GJE1: variants seen among roughly 807,000 people sequenced by gnomAD.
GJE1 encodes the protein gap junction protein epsilon 1, also known as gap junction epsilon-1 protein.
GJE1 carries 9 observed loss-of-function variants against 6.2 expected under a neutral mutation model. The ratio of observed to expected loss-of-function variants is 1.45; its 90% CI spans 0.87 to 2.52. The LOEUF (loss-of-function observed/expected upper bound fraction) is 2.52, where lower values mean the gene tolerates loss of function less well. Ranked by LOEUF, GJE1 falls within the 30% of genes most tolerant of loss-of-function variation. The pLI is 0.00. For synonymous variants in GJE1, 65 were observed against 30.1 expected (o/e 2.16, Z -3.80); for missense variants, 190 against 87.7 (o/e 2.17, Z -4.66).
rs184746035 is a variant in GJE1 at position 142,134,556 on chromosome 6, T to C, written c.252T>C (p.Ile84=). 3.3e-3 allele frequency: 1,915 copies of C among 572,322 alleles called. 1 individual carries two copies. The highest frequency in any genetic ancestry group is 4.7e-3 in the Non-Finnish European group (1,522 of 326,788). The allele number at this position is 572,322 out of a possible 1,614,324, so 35.5% of individuals were successfully genotyped here. Residue 84 remains isoleucine, a synonymous_variant, in exon 3 of 3, where the codon ATT becomes ATC. Coordinates refer to ENST00000450456, the Ensembl canonical transcript of GJE1. ...TGTTCTAGGCATTACAACTAGTTAT[T>C]GTCCTGGTTCCTGGAGCTCTTTTCC...
At chr6:142,134,618 G>T (rs1412952339) in exon 3 of GJE1, 2 of 678,914 alleles carry the variant, frequency 2.9e-6, no homozygotes, top group African/African-American at 3.6e-5. Flanking sequence ...AATCAAGAAT[G>T]CATTCTTCAA....
At chr6:142,135,319 G>A (rs1472812135), downstream of GJE1, among the ~76,000 whole-genome samples, 2 of 151,944 alleles carry the variant, frequency 1.3e-5, no homozygotes, top group East Asian at 1.9e-4. Context: ...CCTTTCTGTG[G>A]AACTATACAG....
Position 142,133,491 on chromosome 6 carries a change from G to A in GJE1, c.39+294G>A, listed in dbSNP as rs138633199. Among the ~76,000 whole-genome samples the A allele has an allele frequency of 3.8e-4, 58 of 152,168 alleles. No individual in the cohort carries two copies. In the East Asian group the frequency reaches 0.01, roughly 27 times the overall value. The stretch of plus-strand genomic sequence containing the variant: ...TTATTTGGTTGTTAAGATAGTGTAC[G>A]GACTGAGCTTACTACTGGATTTTTT... On this transcript the variant is annotated intron_variant, in intron 1 of 2. Transcript: ENST00000450456.
At chr6:142,132,994 C>G (rs570890988), upstream of GJE1, 1 of 436,888 alleles carries the variant, frequency 2.3e-6, no homozygotes, top group Non-Finnish European at 4.1e-6. Flanking sequence ...AATGGGGCCC[C>G]AGAGATCTAA....
upstream of GJE1, chr6:142,133,050 T>C: frequency 2.0e-6 from 1 of 509,800 alleles, no homozygotes; most frequent in Non-Finnish European, 3.5e-6. Context: ...GAGTGTTTTC[T>C]GCTGTAAGAG....
downstream of GJE1, chr6:142,135,245 G>C (rs566774463): frequency 6.3e-6 from 1 of 158,170 alleles, no homozygotes; most frequent in African/African-American, 2.4e-5. Flanking sequence ...TTACGAAGTG[G>C]AAAATTGATG....
chr6:142,134,309 C>T (rs1205371909), intron 2 of GJE1, among the ~76,000 whole-genome samples: 1 of 152,110 alleles, frequency 6.6e-6, no homozygotes, highest in Non-Finnish European at 1.5e-5. Flanking sequence ...ACTACTTCAT[C>T]ATTATCAGTC....
In GJE1 at chr6:142,133,918, C is replaced by CG. The variant is rs1562247598; in HGVS notation, c.112dup (p.Val38GlyfsTer10). The CG allele has an allele frequency of 1.4e-6, 1 of 702,350 alleles. No homozygotes were observed. Among genetic ancestry groups the CG allele is most frequent in the Admixed American group, 2.0e-5 (1 of 49,966 alleles). The allele number at this position is 702,350 out of a possible 1,614,324, so 43.5% of individuals were successfully genotyped here. On this transcript the variant is annotated frameshift_variant, in exon 2 of 3. Coordinates refer to ENST00000450456, the Ensembl canonical transcript of GJE1. LOFTEE classifies it high-confidence loss of function. ...TTGGATCGATCCGAATATTCTTCCT[C>CG]GGGGTGCTAGGCTTTGCAGTTTATG...
chr6:142,133,146 C>G (rs1778174807), exon 1 of GJE1: 1 of 668,668 alleles, frequency 1.5e-6, no homozygotes, highest in South Asian at 1.6e-5. Context: ...GCCAGGATAA[C>G]ATCTCCTGAG....
In GJE1 at chr6:142,133,131, G is replaced by T; in HGVS notation, c.-28G>T. 1.5e-6 allele frequency: 1 copy of T among 658,032 alleles called. No homozygotes were observed. The allele number at this position is 658,032 out of a possible 1,614,324, so 40.8% of individuals were successfully genotyped here. On this transcript the variant is annotated 5_prime_UTR_variant, in exon 1 of 3. It adds an upstream start codon to the 5' untranslated region. Coordinates refer to ENST00000450456, the Ensembl canonical transcript of GJE1. Reference sequence around the variant, plus strand: ...AATGTGGGTCAAGAATTAACCAACAGGAATGCCAGGATAACATCTCCTGAG... The same window carrying T: ...AATGTGGGTCAAGAATTAACCAACATGAATGCCAGGATAACATCTCCTGAG...
intron 2 of GJE1, 101 bp downstream of exon 2, chr6:142,134,145 A>G (rs1307681263): frequency 2.0e-6 from 1 of 508,024 alleles, no homozygotes; most frequent in African/African-American, 1.9e-5. Flanking sequence ...TTTGTTCCTA[A>G]GGATTATGTT....
intron 2 of GJE1, 147 bp downstream of exon 2, chr6:142,134,191 T>C (rs1778204065): frequency 4.1e-6 from 2 of 483,746 alleles, no homozygotes; most frequent in African/African-American, 2.0e-5. Flanking sequence ...TTCAGATAAA[T>C]TGAGTTTTGG....
chr6:142,133,734 T>C, intron 1 of GJE1, 116 bp from the exon 2 acceptor site: 1 of 521,900 alleles, frequency 1.9e-6, no homozygotes, highest in Non-Finnish European at 3.4e-6. Flanking sequence ...AAGGGTCTAT[T>C]TGGCTTCAAA....
chr6:142,134,762 T>G (rs1220143315), exon 3 of GJE1: 4 of 691,716 alleles, frequency 5.8e-6, no homozygotes, highest in Non-Finnish European at 1.0e-5. Context: ...GCTAGATCTC[T>G]TGGGGAAAAC....
chr6:142,133,918 C>T (rs747437784), exon 2 of GJE1: 121 of 702,350 alleles, frequency 1.7e-4, no homozygotes, highest in Admixed American at 5.4e-4. Context: ...TATTCTTCCT[C>T]GGGGTGCTAG....
chr6:142,132,949 T>G (rs904599025), upstream of GJE1: 3 of 396,674 alleles, frequency 7.6e-6, no homozygotes, highest in Non-Finnish European at 1.3e-5. Context: ...GTTTCTTTGT[T>G]TTTGTTTTGT....
chr6:142,134,821 C>A (rs530744249), exon 3 of GJE1: 1 of 671,330 alleles, frequency 1.5e-6, no homozygotes, highest in African/African-American at 1.8e-5. Context: ...AACCATTTTT[C>A]TCATTGCAAT....
At position 142,134,047 on chromosome 6, in the gene GJE1, G is replaced by C. The variant is rs1290682009; in HGVS notation, c.234+3G>C. ...TCACTCCACAAGTAAGTTTTTCTGT[G>C]TGCACATAAACATTAACTCTACAAC... On this transcript the variant is annotated splice_donor_region_variant and intron_variant, in intron 2 of 2. Transcript: ENST00000450456. 1 of 667,804 alleles carries C rather than the reference G, an allele frequency of 1.5e-6. No homozygotes were observed. Among genetic ancestry groups the C allele is most frequent in the East Asian group, 2.7e-5 (1 of 36,630 alleles). 41.4% of individuals were successfully genotyped at this position (667,804 alleles called of 1,614,324 possible). A position where few individuals can be genotyped will look rare whatever the true frequency, so the allele number is the denominator to read the frequency against.
chr6:142,133,149 C>T (rs1399253158), exon 1 of GJE1: 1 of 672,120 alleles, frequency 1.5e-6, no homozygotes, highest in Admixed American at 2.2e-5. Context: ...AGGATAACAT[C>T]TCCTGAGACA....
Sources: gnomAD v4.1 joint callset for allele counts (sites outside exome capture counted in the v4.1 genomes callset) on GRCh38, gnomAD v4.1.1 for gene constraint, MANE v1.5 for transcripts, NCBI Gene and HGNC (gene_info 2026-07-23, HGNC 2026-07-21) for gene names.